Variants in PBK observed in about 807,000 individuals in gnomAD.
The protein encoded by PBK is PDZ binding kinase, also known as lymphokine-activated killer T-cell-originated protein kinase.
A neutral mutation model predicts 33.5 loss-of-function variants in PBK; 22 were observed. That is an observed-to-expected ratio of 0.66 (90% CI 0.47 to 0.94). The LOEUF (loss-of-function observed/expected upper bound fraction) is 0.94. Among genes scored for constraint, PBK ranks in the 40% least tolerant of loss-of-function variants. The probability of loss-of-function intolerance (pLI) is 0.00; values close to 1 mark genes in which losing one functional copy is unlikely to be tolerated. For missense variants in PBK, 376 were observed against 383.4 expected (o/e 0.98, Z 0.16); for synonymous variants, 129 against 123.8 (o/e 1.04, Z -0.28).
intron 6 of PBK, among the ~76,000 whole-genome samples, chr8:27,817,280 G>A (rs991564544): frequency 6.6e-6 from 1 of 151,782 alleles, no homozygotes; most frequent in Admixed American, 6.6e-5. Flanking sequence ...ATAAACCCAG[G>A]GTTTATGGCT....
At chr8:27,822,529 AAC>A in intron 4 of PBK, 41 bp from the exon 5 acceptor site, 4 of 1,392,268 alleles carry the variant, frequency 2.9e-6, no homozygotes, top group Non-Finnish European at 4.0e-6. Context: ...TATAGAGAAG[AAC>A]AATAATATTT....
At chr8:27,821,454 G>C (rs112056220) in intron 5 of PBK, among the ~76,000 whole-genome samples, 2,923 of 151,782 alleles carry the variant, frequency 0.019, 104 homozygotes, top group African/African-American at 0.067. Context: ...TAGAGATGGG[G>C]TTTCACTATG....
Position 27,828,205 on chromosome 8 carries a change from G to A in PBK, c.59-7C>T, listed in dbSNP as rs760500535. On this transcript the variant is annotated splice_polypyrimidine_tract_variant and splice_region_variant and intron_variant, in intron 2 of 7. Transcript: ENST00000301905. ...GTTGGAGTTGAACATAATACTAAAT[G>A]TCAGAGAAATAAAAAATAAAATTAA... 3.9e-6 allele frequency: 5 copies of A among 1,289,482 alleles called. No homozygotes were observed. The highest frequency in any genetic ancestry group is 1.4e-5 in the South Asian group (1 of 73,472). The allele number at this position is 1,289,482 out of a possible 1,614,324, so 79.9% of individuals were successfully genotyped here. A position where few individuals can be genotyped will look rare whatever the true frequency, so the allele number is the denominator to read the frequency against.
intron 7 of PBK, 129 bp downstream of exon 7, chr8:27,810,829 G>T (rs755315923): frequency 1.8e-5 from 12 of 668,648 alleles, no homozygotes; most frequent in Non-Finnish European, 3.0e-5. Flanking sequence ...TGTCTCATTT[G>T]TGTGAGATTA....
Position 27,810,104 on chromosome 8 carries a change from T to C in PBK, c.*201A>G, listed in dbSNP as rs1309069190. The C allele has an allele frequency of 7.6e-6, 4 of 526,966 alleles. No individual in the cohort carries two copies. Among genetic ancestry groups the C allele is most frequent in the Admixed American group, 3.8e-5 (1 of 26,214 alleles). The allele number at this position is 526,966 out of a possible 1,614,324, so 32.6% of individuals were successfully genotyped here. On this transcript the variant is annotated 3_prime_UTR_variant, in exon 8 of 8. Coordinates refer to ENST00000301905, the MANE Select transcript of PBK (RefSeq NM_018492.4). ...CTTATGTAGCTAGTTTCTAAAACTT[T>C]ACAGAAAACCCAGTACAATTCCAAG...
intron 1 of PBK, among the ~76,000 whole-genome samples, chr8:27,835,518 G>A (rs1441551092): frequency 4.0e-5 from 6 of 151,738 alleles, no homozygotes; most frequent in African/African-American, 1.5e-4. Flanking sequence ...TTCCCCATGG[G>A]ATGCTGTGAT....
chr8:27,810,330 A>G lies in PBK; in HGVS notation c.944T>C (p.Val315Ala). The change falls in exon 8 of 8, where the codon GTT becomes GCT. Residue 315 changes from valine to alanine, a missense_variant. Physicochemically the swap from Val to Ala is moderately conservative, Grantham distance 64. Transcript: ENST00000301905. ...CTAGACATCTGTTTCCAGAGCTTCA[A>G]CAATGTGTGCAGCAGAAGGACGATC... is the stretch of plus-strand genomic sequence containing the variant. ...PKDRPSAAHI[V>A]EALETDV The G allele has an allele frequency of 4.3e-6, 7 of 1,612,510 alleles. No individual in the cohort carries two copies. Among genetic ancestry groups the G allele is most frequent in the Non-Finnish European group, 5.1e-6 (6 of 1,178,578 alleles).
At chr8:27,816,117 C>CT (rs1310982892) in intron 6 of PBK, among the ~76,000 whole-genome samples, 2 of 151,996 alleles carry the variant, frequency 1.3e-5, no homozygotes, top group Non-Finnish European at 2.9e-5. Flanking sequence ...AACATCTAGA[C>CT]TAGGTTAAGG....
intron 6 of PBK, among the ~76,000 whole-genome samples, chr8:27,819,901 C>T (rs1056507998): frequency 6.6e-6 from 1 of 152,028 alleles, no homozygotes; most frequent in African/African-American, 2.4e-5. Context: ...TGACTCTTGC[C>T]TTCAACTCAA....
intron 5 of PBK, among the ~76,000 whole-genome samples, chr8:27,821,071 G>A (rs988243022): frequency 3.9e-5 from 6 of 151,938 alleles, no homozygotes; most frequent in East Asian, 3.9e-4. Context: ...CAAGTGATCC[G>A]CCTGCCTCAG....
chr8:27,826,548 G>A (rs928404352), intron 3 of PBK, among the ~76,000 whole-genome samples: 2 of 108,936 alleles, frequency 1.8e-5, no homozygotes, highest in Admixed American at 8.6e-5. Flanking sequence ...TATTTGCCCA[G>A]CACTTTGGGA....
chr8:27,828,128 C>A lies in PBK; in HGVS notation c.129G>T (p.Gly43=). 1 of 1,561,896 alleles carries A rather than the reference C, an allele frequency of 6.4e-7. No individual in the cohort carries two copies. Among genetic ancestry groups the A allele is most frequent in the South Asian group, 1.1e-5 (1 of 89,510 alleles). Residue 43 remains glycine (G), a synonymous_variant, in exon 3 of 8, where the codon GGG becomes GGT. Coordinates refer to ENST00000301905, the MANE Select transcript of PBK (RefSeq NM_018492.4). ...PFMQKLGFGT[G]VNVYLMKRSP... ...ACCTTTTCATTAGGTACACATTTAC[C>A]CCAGTACCAAAGCCAAGCTTCTGCA...
At chr8:27,820,893 G>A (rs893742254) in intron 5 of PBK, among the ~76,000 whole-genome samples, 199 bp from the exon 6 acceptor site, 4 of 150,416 alleles carry the variant, frequency 2.7e-5, no homozygotes, top group African/African-American at 7.4e-5. Flanking sequence ...GCACGATCTC[G>A]GCTCACTGCA....
At chr8:27,822,963 C>A (rs1295689815) in intron 4 of PBK, 100 bp downstream of exon 4, 2 of 746,798 alleles carry the variant, frequency 2.7e-6, no homozygotes, top group Non-Finnish European at 4.5e-6. Flanking sequence ...CCAGCCCCAT[C>A]CTCTTCATTT....
intron 6 of PBK, chr8:27,812,259 T>C (rs1805702044): frequency 6.6e-6 from 1 of 152,000 alleles, no homozygotes; most frequent in Non-Finnish European, 1.5e-5. Context: ...AACTAACTTT[T>C]AAATCAAGAA....
intron 7 of PBK, 121 bp downstream of exon 7, chr8:27,810,837 T>C (rs1585418920): frequency 5.7e-6 from 4 of 701,986 alleles, no homozygotes; most frequent in Non-Finnish European, 9.5e-6. Flanking sequence ...TTGTGTGAGA[T>C]TAAACCTTGG....
intron 3 of PBK, among the ~76,000 whole-genome samples, chr8:27,824,137 G>A (rs191291957): frequency 7.9e-5 from 12 of 152,190 alleles, no homozygotes; most frequent in African/African-American, 2.9e-4. Context: ...TCTATCATCC[G>A]TAAGTTGATC....
chr8:27,829,845 C>T (rs970414660), intron 2 of PBK, among the ~76,000 whole-genome samples: 29 of 144,024 alleles, frequency 2.0e-4, no homozygotes, highest in African/African-American at 5.2e-4. Context: ...CCAGCCTGGG[C>T]GACAGGGCAC....
At chr8:27,817,739 T>C (rs1268387825) in intron 6 of PBK, among the ~76,000 whole-genome samples, 1 of 152,180 alleles carries the variant, frequency 6.6e-6, no homozygotes, top group Non-Finnish European at 1.5e-5. Flanking sequence ...AAGGTTTTTC[T>C]TATTTTAAAT....
Sources: gnomAD v4.1 joint callset for allele counts (sites outside exome capture counted in the v4.1 genomes callset) on GRCh38, gnomAD v4.1.1 for gene constraint, MANE v1.5 for transcripts, NCBI Gene and HGNC (gene_info 2026-07-23, HGNC 2026-07-21) for gene names.